The following DPP6 variants were observed in gnomAD, a reference collection of about 807,000 sequenced individuals.
DPP6 encodes the protein A-type potassium channel modulatory protein DPP6.
In DPP6, 69 loss-of-function variants were observed where a neutral mutation model predicts 122.6. That is an observed-to-expected ratio of 0.56 (90% confidence interval 0.46 to 0.69). The LOEUF (loss-of-function observed/expected upper bound fraction) is 0.69. Ranked by LOEUF, DPP6 falls within the 30% of genes least tolerant of loss-of-function variation. The pLI, the probability that DPP6 is intolerant of heterozygous loss-of-function variation, is 0.00. For missense variants in DPP6, 928 were observed against 1,116.9 expected (o/e 0.83, Z 2.41); for synonymous variants, 418 against 433.1 (o/e 0.97, Z 0.43).
chr7:154,504,439 C>A (rs566797327), intron 3 of DPP6, among the ~76,000 whole-genome samples: 12 of 152,218 alleles, frequency 7.9e-5, no homozygotes, highest in Admixed American at 6.5e-4. Flanking sequence ...AGCGATGTGA[C>A]GTATGATCAT....
the DPP6 span, among the ~76,000 whole-genome samples, chr7:153,833,135 T>C: frequency 4.3e-4 from 66 of 152,316 alleles, no homozygotes; most frequent in Middle Eastern, 3.4e-3. Context: ...TGCGAAAATG[T>C]TGATTGAATG....
the DPP6 span, among the ~76,000 whole-genome samples, chr7:153,873,537 T>C: frequency 3.9e-5 from 6 of 152,314 alleles, no homozygotes; most frequent in Admixed American, 2.0e-4. Context: ...AACATAACTT[T>C]GCAACTTTGG....
At chr7:154,814,039 C>T (rs112182299) in intron 16 of DPP6, among the ~76,000 whole-genome samples, 1 of 151,902 alleles carries the variant, frequency 6.6e-6, no homozygotes, top group African/African-American at 2.4e-5. Context: ...AACCACCACA[C>T]CCAGCTAATT....
chr7:153,962,546 C>T (rs1358389095), intron 1 of DPP6, among the ~76,000 whole-genome samples: 2 of 152,166 alleles, frequency 1.3e-5, no homozygotes, highest in African/African-American at 2.4e-5. Context: ...ACCATCATGC[C>T]GTACAGTCGG....
chr7:154,015,571 A>G (rs1293390399), intron 1 of DPP6, among the ~76,000 whole-genome samples: 3 of 152,128 alleles, frequency 2.0e-5, no homozygotes. Flanking sequence ...CCAGTGTTCC[A>G]TCTCAGTAAA....
intron 7 of DPP6, among the ~76,000 whole-genome samples, chr7:154,701,844 TCA>T (rs1304777823): frequency 1.3e-4 from 20 of 152,238 alleles, no homozygotes; most frequent in Admixed American, 9.2e-4. Context: ...ACATGAGATG[TCA>T]CTCACTATCC....
intron 1 of DPP6, among the ~76,000 whole-genome samples, chr7:154,366,020 G>A (rs991375960): frequency 6.6e-6 from 1 of 151,890 alleles, no homozygotes; most frequent in African/African-American, 2.4e-5. Flanking sequence ...ATCTTCCGGG[G>A]TAAGCCTGCG....
chr7:154,463,195 C>CTTTT lies in DPP6; in HGVS notation c.359-11717_359-11714dup, dbSNP rs368362408. Among the ~76,000 whole-genome samples the CTTTT allele has an allele frequency of 2.7e-3, 224 of 84,102 alleles. 24 individuals carry two copies. Among genetic ancestry groups the CTTTT allele is most frequent in the Non-Finnish European group, 3.5e-3 (144 of 41,512 alleles). The allele number at this position is 84,102 out of a possible 152,430, so 55.2% of individuals were successfully genotyped here. A position where few individuals can be genotyped will look rare whatever the true frequency, so the allele number is the denominator to read the frequency against. ...GCTTTTTACCTTTACTTCTCCTTTT[C>CTTTT]TTTTTTTTTTTTTTTTTTTTTTTTT... On this transcript the variant is annotated intron_variant, in intron 2 of 25. Transcript: ENST00000377770.
At chr7:154,853,862 G>T (rs1802603401) in intron 17 of DPP6, 35 bp downstream of exon 17, 2 of 1,611,654 alleles carry the variant, frequency 1.2e-6, no homozygotes, top group South Asian at 1.1e-5. Context: ...ATCTTCCTGA[G>T]ACTCAGGAGA....
intron 1 of DPP6, among the ~76,000 whole-genome samples, chr7:154,205,319 G>C (rs1799384587): frequency 6.6e-6 from 1 of 152,092 alleles, no homozygotes; most frequent in African/African-American, 2.4e-5. Context: ...GACCCCTCCT[G>C]TTGTCTTTAT....
intron 1 of DPP6, chr7:154,305,167 C>A (rs906763702): frequency 1.4e-5 from 12 of 871,692 alleles, no homozygotes; most frequent in Non-Finnish European, 1.7e-5. Context: ...TCACTCGGGT[C>A]CCCTTCCTGC....
intron 6 of DPP6, among the ~76,000 whole-genome samples, chr7:154,646,793 C>A (rs533503035): frequency 1.3e-5 from 2 of 152,170 alleles, no homozygotes; most frequent in South Asian, 2.1e-4. Flanking sequence ...GCAAAAGTGG[C>A]GAAAGAGGCT....
the DPP6 span, among the ~76,000 whole-genome samples, chr7:153,780,644 C>T: frequency 8.3e-3 from 1,264 of 152,202 alleles, 26 homozygotes; most frequent in African/African-American, 0.029. Context: ...AGGATTGGCC[C>T]TGGGGAAAAT....
intron 2 of DPP6, among the ~76,000 whole-genome samples, chr7:154,453,768 T>C (rs1379152425): frequency 2.0e-5 from 3 of 152,160 alleles, no homozygotes; most frequent in African/African-American, 7.2e-5. Flanking sequence ...TTATATTCTT[T>C]GCATTTATGG....
At chr7:154,244,672 T>C (rs1801856123) in intron 1 of DPP6, among the ~76,000 whole-genome samples, 1 of 152,066 alleles carries the variant, frequency 6.6e-6, no homozygotes, top group East Asian at 1.9e-4. Context: ...TTGTAATCCC[T>C]AGAGTAACAA....
the DPP6 span, among the ~76,000 whole-genome samples, chr7:153,785,621 C>T: frequency 6.6e-6 from 1 of 152,080 alleles, no homozygotes; most frequent in Non-Finnish European, 1.5e-5. Context: ...TTTGAGTTCC[C>T]TCATTGGGAA....
intron 1 of DPP6, chr7:154,092,292 G>C (rs1804910522): frequency 6.6e-6 from 1 of 152,170 alleles, no homozygotes; most frequent in Admixed American, 6.5e-5. Flanking sequence ...ACCGTGACCA[G>C]AATCAGGACA....
chr7:154,198,715 T>A (rs1799004978), intron 1 of DPP6, among the ~76,000 whole-genome samples: 1 of 152,242 alleles, frequency 6.6e-6, no homozygotes, highest in South Asian at 2.1e-4. Context: ...AGATTTCAAC[T>A]GGATTAACCA....
chr7:153,906,286 G>A (rs891883035), intron 1 of DPP6, among the ~76,000 whole-genome samples: 2 of 152,064 alleles, frequency 1.3e-5, no homozygotes, highest in African/African-American at 4.8e-5. Context: ...GGCTTTTTGT[G>A]TGCTCATCGC....
Sources: gnomAD v4.1 joint callset for allele counts (sites outside exome capture counted in the v4.1 genomes callset) on GRCh38, gnomAD v4.1.1 for gene constraint, MANE v1.5 for transcripts, NCBI Gene and HGNC (gene_info 2026-07-23, HGNC 2026-07-21) for gene names.